CACNA1D: variants seen among roughly 807,000 people sequenced by gnomAD.
The protein encoded by CACNA1D is calcium voltage-gated channel subunit alpha1 D.
In CACNA1D, 55 loss-of-function variants were observed where a neutral mutation model predicts 257.1. That is an observed-to-expected ratio of 0.21 (90% CI 0.17 to 0.27). The LOEUF is 0.27. CACNA1D is among the 10% of genes least tolerant of loss of function. The probability of loss-of-function intolerance (pLI) is 1.00; values close to 1 mark genes in which losing one functional copy is unlikely to be tolerated. For missense variants in CACNA1D, 1,876 were observed against 2,784.0 expected, an observed-to-expected ratio of 0.67 and a Z score of 7.34; for synonymous variants, 980 against 1,014.9, an observed-to-expected ratio of 0.97 and a Z score of 0.65.
At chr3:53,721,583 T>A (rs1379145888) in intron 11 of CACNA1D, among the ~76,000 whole-genome samples, 1 of 152,146 alleles carries the variant, frequency 6.6e-6, no homozygotes, top group African/African-American at 2.4e-5. Flanking sequence ...GAACTGAAGG[T>A]AGGTGGAGGA....
At chr3:53,711,529 C>G (rs780575581) in intron 9 of CACNA1D, among the ~76,000 whole-genome samples, 1 of 152,218 alleles carries the variant, frequency 6.6e-6, no homozygotes, top group South Asian at 2.1e-4. Context: ...CACAGTCGAC[C>G]CAGTTCTGCC....
At chr3:53,742,863 T>G in intron 21 of CACNA1D, 148 bp from the exon 22 acceptor site, 2 of 680,096 alleles carry the variant, frequency 2.9e-6, no homozygotes, top group South Asian at 3.3e-5. Flanking sequence ...GAAATTATCC[T>G]GTGGCTCAAC....
intron 45 of CACNA1D, chr3:53,808,285 G>A (rs1457460442): frequency 7.5e-6 from 2 of 268,308 alleles, no homozygotes; most frequent in Non-Finnish European, 1.5e-5. Context: ...GTGGTGGCGG[G>A]CGCCTGTAGT....
intron 26 of CACNA1D, 150 bp downstream of exon 26, chr3:53,747,598 T>G: frequency 1.3e-6 from 1 of 799,848 alleles, no homozygotes; most frequent in Non-Finnish European, 2.1e-6. Context: ...AGTCACTTCT[T>G]GACCCACAGG....
At chr3:53,546,212 C>G (rs563987589) in intron 3 of CACNA1D, among the ~76,000 whole-genome samples, 1 of 152,154 alleles carries the variant, frequency 6.6e-6, no homozygotes, top group Non-Finnish European at 1.5e-5. Context: ...TAGATGTTAC[C>G]ACTGCTCAAC....
intron 3 of CACNA1D, among the ~76,000 whole-genome samples, chr3:53,555,099 A>G (rs1217809853): frequency 6.6e-6 from 1 of 152,240 alleles, no homozygotes; most frequent in South Asian, 2.1e-4. Context: ...TATGTTTCCC[A>G]TAGCTTATAT....
At chr3:53,775,213 A>AGGTGGTTTC (rs2095390225) in intron 34 of CACNA1D, among the ~76,000 whole-genome samples, 3 of 152,246 alleles carry the variant, frequency 2.0e-5, no homozygotes, top group Admixed American at 2.0e-4. Flanking sequence ...TTTGCAAGTT[A>AGGTGGTTTC]GGTGGTTTCC....
In CACNA1D at chr3:53,808,773, G is replaced by T. The variant is rs1228312295; in HGVS notation, c.5871+3G>T. 6.2e-7 allele frequency: 1 copy of T among 1,605,552 alleles called. No individual in the cohort carries two copies. The highest frequency in any genetic ancestry group is 8.5e-7 in the Non-Finnish European group (1 of 1,179,956). On this transcript the variant is annotated splice_donor_region_variant and intron_variant, in intron 46 of 47. Transcript: ENST00000350061. Reference sequence around the variant, plus strand: ...CTCTGCATCTAATGCAGCAACAGGTGAGCGGCCCACCTGGCCTTGCCCCCA... The same window carrying T: ...CTCTGCATCTAATGCAGCAACAGGTTAGCGGCCCACCTGGCCTTGCCCCCA...
At chr3:53,658,373 G>A (rs1321832313) in intron 4 of CACNA1D, among the ~76,000 whole-genome samples, 5 of 152,144 alleles carry the variant, frequency 3.3e-5, no homozygotes, top group Non-Finnish European at 7.4e-5. Flanking sequence ...AACCAGCCCC[G>A]GCCCCTTGCA....
intron 46 of CACNA1D, 156 bp downstream of exon 46, chr3:53,808,926 G>C: frequency 2.6e-6 from 2 of 778,312 alleles, no homozygotes; most frequent in Non-Finnish European, 4.1e-6. Flanking sequence ...CTGTCAAATA[G>C]CTATGGCCAT....
intron 9 of CACNA1D, among the ~76,000 whole-genome samples, chr3:53,703,910 G>C (rs1261041385): frequency 6.6e-6 from 1 of 152,198 alleles, no homozygotes; most frequent in Non-Finnish European, 1.5e-5. Flanking sequence ...CCGCCGACGA[G>C]GGATCGAGGA....
At chr3:53,497,082 T>A in intron 1 of CACNA1D, 70 bp from the exon 2 acceptor site, 1 of 1,206,598 alleles carries the variant, frequency 8.3e-7, no homozygotes, top group Non-Finnish European at 1.2e-6. Context: ...AGACAACCTT[T>A]GATTTTTTTC....
At chr3:53,512,795 A>G (rs112742254) in intron 3 of CACNA1D, among the ~76,000 whole-genome samples, 7 of 152,316 alleles carry the variant, frequency 4.6e-5, no homozygotes, top group African/African-American at 1.2e-4. Flanking sequence ...TATCTCTTCA[A>G]TTATTTTCTT....
chr3:53,698,643 C>G (rs1415226173), intron 8 of CACNA1D, among the ~76,000 whole-genome samples: 1 of 152,138 alleles, frequency 6.6e-6, no homozygotes, highest in Admixed American at 6.5e-5. Flanking sequence ...AAAGTCAAAA[C>G]TATAGAAAAA....
intron 8 of CACNA1D, among the ~76,000 whole-genome samples, chr3:53,691,676 AATATATATATTGCAG>A: frequency 7.7e-6 from 1 of 130,286 alleles, no homozygotes; most frequent in South Asian, 2.2e-4. Context: ...GTATATATGT[AATATATATATTGCAG>A]ATATATATTA....
intron 32 of CACNA1D, among the ~76,000 whole-genome samples, chr3:53,772,244 AG>A (rs1240231458): frequency 6.6e-6 from 1 of 152,132 alleles, no homozygotes; most frequent in Non-Finnish European, 1.5e-5. Flanking sequence ...CAGTTCTTTC[AG>A]AAGGTGTACA....
At chr3:53,651,366 C>CTTT (rs779207160) in intron 4 of CACNA1D, among the ~76,000 whole-genome samples, 13,999 of 80,890 alleles carry the variant, frequency 0.17, 2,856 homozygotes, top group East Asian at 0.57. Flanking sequence ...TATTAATTTT[C>CTTT]TTTTTTTTTT....
At chr3:53,528,928 A>T (rs2091855479) in intron 3 of CACNA1D, among the ~76,000 whole-genome samples, 1 of 152,192 alleles carries the variant, frequency 6.6e-6, no homozygotes. Context: ...ATTTTCTATG[A>T]ACACAATTAT....
chr3:53,557,468 T>C (rs2092666554), intron 3 of CACNA1D, among the ~76,000 whole-genome samples: 1 of 151,862 alleles, frequency 6.6e-6, no homozygotes, highest in Admixed American at 6.6e-5. Context: ...CACTCCAGCC[T>C]GGGCGACAAG....
Sources: allele counts gnomAD v4.1 joint callset (sites outside exome capture counted in the v4.1 genomes callset), GRCh38; gene constraint gnomAD v4.1.1; transcripts MANE v1.5; gene names NCBI Gene and HGNC (gene_info 2026-07-23, HGNC 2026-07-21).